BRD10: variants seen among roughly 807,000 people sequenced by gnomAD.
The protein encoded by BRD10 is uncharacterized bromodomain-containing protein 10.
At chr9:5,885,527 C>G in the BRD10 span, among the ~76,000 whole-genome samples, 1 of 152,052 alleles carries the variant, frequency 6.6e-6, no homozygotes, top group Non-Finnish European at 1.5e-5. Flanking sequence ...TGCACCACCA[C>G]GCCCGGCTAA....
the BRD10 span, among the ~76,000 whole-genome samples, chr9:5,881,268 T>C: frequency 6.6e-6 from 1 of 152,140 alleles, no homozygotes; most frequent in Non-Finnish European, 1.5e-5. Flanking sequence ...AGGCCTTCCT[T>C]ATAAATGGCC....
At chr9:5,943,696 A>C in the BRD10 span, among the ~76,000 whole-genome samples, 5 of 152,180 alleles carry the variant, frequency 3.3e-5, no homozygotes, top group African/African-American at 1.2e-4. Flanking sequence ...TACGTATAAA[A>C]ATATAAGAAT....
chr9:5,923,107 C>G, the BRD10 span: 1 of 1,613,990 alleles, frequency 6.2e-7, no homozygotes. Context: ...TTTCTAGATT[C>G]TCAACTGTTG....
the BRD10 span, among the ~76,000 whole-genome samples, chr9:5,890,430 G>A: frequency 6.6e-6 from 1 of 152,122 alleles, no homozygotes; most frequent in Non-Finnish European, 1.5e-5. Flanking sequence ...CTCCTCAGCT[G>A]AGCTCCATGA....
chr9:5,997,441 G>T, the BRD10 span, among the ~76,000 whole-genome samples: 12 of 149,342 alleles, frequency 8.0e-5, no homozygotes, highest in East Asian at 3.9e-4. Flanking sequence ...GAAAAAATGG[G>T]TTTTTTTTTT....
the BRD10 span, chr9:5,919,410 C>T: frequency 3.1e-6 from 1 of 323,634 alleles, no homozygotes; most frequent in Non-Finnish European, 5.6e-6. Context: ...ACTTTATGTT[C>T]TACAGACAGG....
chr9:5,907,490 A>T, the BRD10 span, among the ~76,000 whole-genome samples: 2 of 152,256 alleles, frequency 1.3e-5, no homozygotes, highest in African/African-American at 4.8e-5. Flanking sequence ...ATTATAATAC[A>T]TATCATATTT....
the BRD10 span, among the ~76,000 whole-genome samples, chr9:6,002,340 G>C: frequency 1.3e-5 from 2 of 151,996 alleles, no homozygotes; most frequent in African/African-American, 2.4e-5. Flanking sequence ...ATAATAAATA[G>C]AACTACATGG....
At chr9:5,886,289 G>C in the BRD10 span, among the ~76,000 whole-genome samples, 1 of 152,202 alleles carries the variant, frequency 6.6e-6, no homozygotes, top group Non-Finnish European at 1.5e-5. Context: ...AGCCCACTAG[G>C]TGGCAGCAGA....
chr9:5,956,218 G>A, the BRD10 span, among the ~76,000 whole-genome samples: 1 of 152,100 alleles, frequency 6.6e-6, no homozygotes, highest in East Asian at 1.9e-4. Flanking sequence ...TGTTACACAG[G>A]CACTAAACAC....
At chr9:5,888,775 T>A in the BRD10 span, among the ~76,000 whole-genome samples, 7 of 152,344 alleles carry the variant, frequency 4.6e-5, no homozygotes, top group African/African-American at 1.7e-4. Context: ...TTGTTCAGCA[T>A]TTGAAGCAAA....
chr9:5,921,246 C>T, the BRD10 span: 1 of 1,613,882 alleles, frequency 6.2e-7, no homozygotes, highest in African/African-American at 1.3e-5. Flanking sequence ...GAAGTATTTA[C>T]AATTGCTTGA....
chr9:5,984,318 A>G, the BRD10 span, among the ~76,000 whole-genome samples: 3 of 151,950 alleles, frequency 2.0e-5, no homozygotes, highest in African/African-American at 7.2e-5. Flanking sequence ...GCATACGACA[A>G]CAGCACAAAG....
At chr9:5,889,308 ACTT>A in the BRD10 span, among the ~76,000 whole-genome samples, 2 of 152,138 alleles carry the variant, frequency 1.3e-5, no homozygotes, top group African/African-American at 4.8e-5. Flanking sequence ...ACCGACTACC[ACTT>A]CTTCAATCAT....
the BRD10 span, among the ~76,000 whole-genome samples, chr9:5,974,938 T>C: frequency 1.3e-5 from 2 of 152,088 alleles, no homozygotes; most frequent in Non-Finnish European, 2.9e-5. Flanking sequence ...GTCAGAATAA[T>C]AAAGCTGTTT....
the BRD10 span, among the ~76,000 whole-genome samples, chr9:5,958,659 A>C: frequency 1.3e-5 from 2 of 152,298 alleles, no homozygotes; most frequent in Non-Finnish European, 2.9e-5. Flanking sequence ...CAGAAAAAAA[A>C]AGGTACTTCA....
At chr9:5,940,747 C>T in the BRD10 span, among the ~76,000 whole-genome samples, 5 of 152,038 alleles carry the variant, frequency 3.3e-5, no homozygotes, top group African/African-American at 7.3e-5. Context: ...ATCACAGGAT[C>T]AAAGCAAACA....
chr9:5,882,004 G>A, the BRD10 span, among the ~76,000 whole-genome samples: 2 of 152,190 alleles, frequency 1.3e-5, no homozygotes, highest in South Asian at 4.1e-4. Flanking sequence ...TGCAGTAAGT[G>A]GTAGGATGAG....
At chr9:5,938,246 G>A in the BRD10 span, among the ~76,000 whole-genome samples, 1 of 152,146 alleles carries the variant, frequency 6.6e-6, no homozygotes, top group Non-Finnish European at 1.5e-5. Flanking sequence ...TTTGAGACCA[G>A]CCTGGGTAAC....
Sources: allele counts gnomAD v4.1 joint callset (sites outside exome capture counted in the v4.1 genomes callset), GRCh38; gene constraint gnomAD v4.1.1; transcripts MANE v1.5; gene names NCBI Gene and HGNC (gene_info 2026-07-23, HGNC 2026-07-21).